PDE10A: variants seen among roughly 807,000 people sequenced by gnomAD.
PDE10A encodes the protein cAMP and cAMP-inhibited cGMP 3',5'-cyclic phosphodiesterase 10A.
PDE10A carries 39 observed loss-of-function variants against 97.7 expected under a neutral mutation model. The observed-to-expected ratio is 0.40, with a 90% confidence interval of 0.31 to 0.52. The LOEUF is 0.52. Among genes scored for constraint, PDE10A ranks in the 20% least tolerant of loss-of-function variants. The pLI is 0.56. For missense variants in PDE10A, 731 were observed against 1,047.8 expected, an observed-to-expected ratio of 0.70 and a Z score of 4.17; for synonymous variants, 371 against 376.8, an observed-to-expected ratio of 0.98 and a Z score of 0.18.
intron 1 of PDE10A, among the ~76,000 whole-genome samples, chr6:165,637,461 C>T (rs12529895): frequency 0.047 from 7,191 of 152,168 alleles, 184 homozygotes; most frequent in East Asian, 0.13. Flanking sequence ...AGCTTTATGG[C>T]GGACGGGTAA....
intron 1 of PDE10A, among the ~76,000 whole-genome samples, chr6:165,691,119 CAGTGCCTGTGGT>C (rs1791274529): frequency 1.8e-5 from 2 of 109,424 alleles, no homozygotes; most frequent in Non-Finnish European, 3.8e-5. Context: ...CCCCCCCCAT[CAGTGCCTGTGGT>C]CACATAAGCC....
At chr6:165,861,134 G>C (rs1487645094) in intron 1 of PDE10A, among the ~76,000 whole-genome samples, 1 of 152,220 alleles carries the variant, frequency 6.6e-6, no homozygotes, top group African/African-American at 2.4e-5. Context: ...CCACCAACTG[G>C]AAACAGCATT....
chr6:165,623,869 T>A (rs918547790), intron 1 of PDE10A, among the ~76,000 whole-genome samples: 1 of 152,228 alleles, frequency 6.6e-6, no homozygotes, highest in Admixed American at 6.5e-5. Flanking sequence ...TCTGTTCCAA[T>A]AACTCTGAAA....
chr6:165,882,064 G>A (rs1271365050), intron 1 of PDE10A, among the ~76,000 whole-genome samples: 2 of 152,146 alleles, frequency 1.3e-5, no homozygotes, highest in Admixed American at 6.5e-5. Flanking sequence ...CAGTCACGTA[G>A]AAATCAGCCC....
intron 18 of PDE10A, among the ~76,000 whole-genome samples, chr6:165,352,145 C>G (rs962222733): frequency 7.2e-5 from 11 of 152,184 alleles, no homozygotes; most frequent in African/African-American, 2.4e-4. Flanking sequence ...TGAGCCACTG[C>G]ACCCAGACAA....
intron 10 of PDE10A, among the ~76,000 whole-genome samples, chr6:165,422,725 T>C (rs1352843485): frequency 6.6e-6 from 1 of 151,906 alleles, no homozygotes; most frequent in African/African-American, 2.4e-5. Flanking sequence ...AATGAAGAAA[T>C]AGATAAATTC....
chr6:165,524,435 C>T (rs572354116), intron 2 of PDE10A, among the ~76,000 whole-genome samples: 73 of 152,198 alleles, frequency 4.8e-4, no homozygotes, highest in African/African-American at 1.7e-3. Flanking sequence ...GAAAGTTATG[C>T]AAAATAAATA....
intron 1 of PDE10A, among the ~76,000 whole-genome samples, chr6:165,750,335 G>A (rs560826892): frequency 6.6e-6 from 1 of 152,198 alleles, no homozygotes; most frequent in East Asian, 1.9e-4. Flanking sequence ...CGTGGAAAAG[G>A]ATCCAGTCCT....
chr6:165,838,499 C>G (rs1044494527), intron 1 of PDE10A, among the ~76,000 whole-genome samples: 2 of 152,206 alleles, frequency 1.3e-5, no homozygotes, highest in Admixed American at 6.5e-5. Flanking sequence ...ACCATAACCA[C>G]TATCTACTTC....
intron 1 of PDE10A, among the ~76,000 whole-genome samples, chr6:165,651,875 A>G (rs1050820900): frequency 1.3e-5 from 2 of 152,192 alleles, no homozygotes; most frequent in African/African-American, 4.8e-5. Context: ...ACTACCTAGT[A>G]TCCTCAAATC....
chr6:165,437,853 CA>C, intron 5 of PDE10A, among the ~76,000 whole-genome samples: 1 of 152,252 alleles, frequency 6.6e-6, no homozygotes, highest in Middle Eastern at 3.4e-3. Context: ...TGTTTGCCTC[CA>C]AACAATTTAC....
intron 1 of PDE10A, among the ~76,000 whole-genome samples, chr6:165,968,043 G>A (rs1784562002): frequency 6.6e-6 from 1 of 152,226 alleles, no homozygotes; most frequent in Admixed American, 6.5e-5. Context: ...GAGACAATGT[G>A]GGTGAAAGAC....
intron 1 of PDE10A, among the ~76,000 whole-genome samples, chr6:165,945,980 G>T (rs1430598173): frequency 6.6e-6 from 1 of 152,134 alleles, no homozygotes; most frequent in African/African-American, 2.4e-5. Context: ...TTAGTTGATT[G>T]TTTCCTTTGC....
chr6:165,491,032 T>G (rs1583396500), intron 2 of PDE10A, among the ~76,000 whole-genome samples: 1 of 152,262 alleles, frequency 6.6e-6, no homozygotes, highest in East Asian at 1.9e-4. Flanking sequence ...AGGACTCACA[T>G]AAACTTAGAG....
intron 1 of PDE10A, among the ~76,000 whole-genome samples, chr6:165,919,835 A>G (rs1216483539): frequency 8.6e-6 from 1 of 116,014 alleles, no homozygotes; most frequent in African/African-American, 3.3e-5. Flanking sequence ...AAGCAAATAC[A>G]AAGCTCAGTG....
intron 1 of PDE10A, among the ~76,000 whole-genome samples, chr6:165,897,523 G>T (rs914625202): frequency 6.6e-6 from 1 of 152,040 alleles, no homozygotes; most frequent in Non-Finnish European, 1.5e-5. Flanking sequence ...GATGGCTGTG[G>T]CACACTGCTG....
chr6:165,891,025 T>A (rs1879932), intron 1 of PDE10A, among the ~76,000 whole-genome samples: 95,184 of 152,004 alleles, frequency 0.63, 30,235 homozygotes, highest in East Asian at 0.92. Context: ...TTTTTGAAAC[T>A]GAAAGATCTT....
intron 9 of PDE10A, 41 bp from the exon 10 acceptor site, chr6:165,428,750 G>A (rs368485726): frequency 1.4e-5 from 11 of 777,594 alleles, no homozygotes; most frequent in Non-Finnish European, 2.4e-5. Context: ...AATTTCATTA[G>A]TTCACAGTAC....
At chr6:165,970,712 A>G (rs1385610554) in intron 1 of PDE10A, among the ~76,000 whole-genome samples, 1 of 152,238 alleles carries the variant, frequency 6.6e-6, no homozygotes, top group Non-Finnish European at 1.5e-5. Flanking sequence ...CTTGTTATAT[A>G]TCTTTTTGTC....
Sources: gnomAD v4.1 joint callset for allele counts (sites outside exome capture counted in the v4.1 genomes callset) on GRCh38, gnomAD v4.1.1 for gene constraint, MANE v1.5 for transcripts, NCBI Gene and HGNC (gene_info 2026-07-23, HGNC 2026-07-21) for gene names.